The following PYGL variants were observed in gnomAD, a reference collection of about 807,000 sequenced individuals.
PYGL encodes the protein glycogen phosphorylase L.
PYGL carries 90 observed loss-of-function variants against 100.1 expected under a neutral mutation model. The ratio of observed to expected loss-of-function variants is 0.90; its 90% CI spans 0.76 to 1.07. PYGL has a LOEUF of 1.07. PYGL is among the 50% of genes least tolerant of loss of function. The pLI, the probability that PYGL is intolerant of heterozygous loss-of-function variation, is 0.00. For synonymous variants in PYGL, 373 were observed against 393.0 expected (o/e 0.95, Z 0.60); for missense variants, 1,016 against 1,057.6 (o/e 0.96, Z 0.55).
At chr14:50,912,960 TA>T in intron 13 of PYGL, 68 bp downstream of exon 13, 1 of 1,475,546 alleles carries the variant, frequency 6.8e-7, no homozygotes, top group Non-Finnish European at 9.4e-7. Flanking sequence ...TCTCAAAAAA[TA>T]AACAAAAACT....
chr14:50,914,640 A>T, intron 12 of PYGL, 61 bp downstream of exon 12: 1 of 1,368,702 alleles, frequency 7.3e-7, no homozygotes, highest in Non-Finnish European at 1.0e-6. Flanking sequence ...AGTTACAAGT[A>T]TAGTCATATG....
rs1364570392 is a variant in PYGL at position 50,942,345 on chromosome 14, A to G, written c.243+1816T>C. ...AAAACCATAAAGCACTGCATAAGCC[A>G]CTGAAGGAAAAACATACAAGATTCT... On this transcript the variant is annotated intron_variant, in intron 1 of 19. Transcript: ENST00000216392. 1.4e-5 allele frequency among the ~76,000 whole-genome samples: 2 copies of G among 140,192 alleles called. 1 individual carries two copies. The highest frequency in any genetic ancestry group is 3.1e-5 in the Non-Finnish European group (2 of 63,590). 92.0% of individuals were successfully genotyped at this position (140,192 alleles called of 152,430 possible). A position where few individuals can be genotyped will look rare whatever the true frequency, so the allele number is the denominator to read the frequency against.
intron 7 of PYGL, among the ~76,000 whole-genome samples, chr14:50,919,268 T>A (rs2050479891): frequency 6.6e-6 from 1 of 152,246 alleles, no homozygotes; most frequent in African/African-American, 2.4e-5. Context: ...GAACTCTTAC[T>A]TTGACCCTGA....
At chr14:50,920,765 T>C in intron 6 of PYGL, 142 bp from the exon 7 acceptor site, 1 of 1,065,766 alleles carries the variant, frequency 9.4e-7, no homozygotes, top group South Asian at 1.3e-5. Flanking sequence ...CACACCGTCA[T>C]GCTGGACTTC....
Position 50,935,101 on chromosome 14 carries a change from A to T in PYGL, c.424+6T>A, listed in dbSNP as rs146741789. On this transcript the variant is annotated splice_donor_region_variant and intron_variant, in intron 3 of 19. Transcript: ENST00000216392. ...GACAATATAATACACTCACAATGTC[A>T]CTTACCAGCAAGTCTCCCAAGACCA... 7.1e-4 allele frequency: 1,139 copies of T among 1,601,520 alleles called. 4 individuals are homozygous for T. In the African/African-American group the frequency reaches 0.011, roughly 16 times the overall value.
intron 2 of PYGL, among the ~76,000 whole-genome samples, chr14:50,935,465 C>G (rs2050646688): frequency 6.6e-6 from 1 of 152,182 alleles, no homozygotes; most frequent in Admixed American, 6.6e-5. Flanking sequence ...AACTCTATGC[C>G]TCAATTTTCC....
rs764144620 is a variant in PYGL, at chr14:50,935,066, C to T, written c.424+41G>A. On this transcript the variant is annotated intron_variant, in intron 3 of 19. Transcript: ENST00000216392. The stretch of plus-strand genomic sequence containing the variant: ...TCATGCATGGCATCTGAGATGTCTT[C>T]AATCGGCCAGACAATATAATACACT... 5.4e-5 allele frequency: 83 copies of T among 1,549,174 alleles called. 1 individual carries two copies. In the East Asian group the frequency reaches 1.8e-3, roughly 34 times the overall value.
rs786204785 is a variant in PYGL at position 50,944,359 on chromosome 14, G to GCTGATCTGCCGCCGCTTCTC, written c.25_44dup (p.Ser15ArgfsTer21). The GCTGATCTGCCGCCGCTTCTC allele has an allele frequency of 3.1e-6, 5 of 1,613,500 alleles. No homozygotes were observed. Among genetic ancestry groups the GCTGATCTGCCGCCGCTTCTC allele is most frequent in the African/African-American group, 1.3e-5 (1 of 74,932 alleles). On this transcript the variant is annotated frameshift_variant, in exon 1 of 20. Transcript: ENST00000216392. LOFTEE classifies it high-confidence loss of function. ...TCTCCACGCCCACGATGCCGCGGAT[G>GCTGATCTGCCGCCGCTTCTC]CTGATCTGCCGCCGCTTCTCCTGGT... is the stretch of plus-strand genomic sequence containing the variant.
At position 50,944,376 on chromosome 14, in the gene PYGL, TCTC is replaced by T; in HGVS notation, c.25_27del (p.Glu9del). On this transcript the variant is annotated inframe_deletion, in exon 1 of 20. Coordinates refer to ENST00000216392, the MANE Select transcript of PYGL (RefSeq NM_002863.5). ...CCGCGGATGCTGATCTGCCGCCGCT[TCTC>T]CTGGTCCGTCAGGGGCTTCGCCATG... 1 of 1,613,262 alleles carries T rather than the reference TCTC, an allele frequency of 6.2e-7. No homozygotes were observed. The highest frequency in any genetic ancestry group is 8.5e-7 in the Non-Finnish European group (1 of 1,179,732).
chr14:50,935,897 C>T (rs904227601), intron 2 of PYGL, among the ~76,000 whole-genome samples: 9 of 152,202 alleles, frequency 5.9e-5, no homozygotes, highest in Non-Finnish European at 1.2e-4. Context: ...GGGTAAAATC[C>T]TTTACTTTTC....
At chr14:50,910,509 G>A (rs952466442) in intron 16 of PYGL, among the ~76,000 whole-genome samples, 3 of 151,990 alleles carry the variant, frequency 2.0e-5, no homozygotes, top group South Asian at 4.1e-4. Context: ...AGGCTGGAGT[G>A]CAGTGGTGCG....
rs375273829 is a variant in PYGL, at chr14:50,910,094, C to G, written c.1978G>C (p.Ala660Pro). 6.2e-6 allele frequency: 10 copies of G among 1,613,374 alleles called. No homozygotes were observed. The highest frequency in any genetic ancestry group is 1.3e-5 in the African/African-American group (1 of 74,896). ...GAAATCTGCTCTGACAGATCTGTGG[C>G]TGGAATGACTGCAAGAAAGGTAAGT... is the stretch of plus-strand genomic sequence containing the variant. ...RVSLAEKVIPATDLSEQISTA... is the reference protein window; with the variant it reads ...RVSLAEKVIPPTDLSEQISTA... The change falls in exon 17 of 20, where the codon GCC becomes CCC. Residue 660 changes from alanine to proline, a missense_variant. Ala to Pro is a conservative substitution (Grantham distance 27). Coordinates refer to ENST00000216392, the MANE Select transcript of PYGL (RefSeq NM_002863.5).
At chr14:50,914,325 T>TCTC (rs1320521506) in intron 12 of PYGL, among the ~76,000 whole-genome samples, 39 of 152,122 alleles carry the variant, frequency 2.6e-4, no homozygotes, top group African/African-American at 8.2e-4. Context: ...GGTAAAACCC[T>TCTC]GTCTCTACTA....
chr14:50,916,970 G>A lies in PYGL; in HGVS notation c.991C>T (p.Pro331Ser). 6.2e-7 allele frequency: 1 copy of A among 1,614,178 alleles called. No individual in the cohort carries two copies. The highest frequency in any genetic ancestry group is 2.2e-5 in the East Asian group (1 of 44,894). The change falls in exon 8 of 20, where the codon CCG becomes TCG. Residue 331 changes from proline (P) to serine (S), a missense_variant. Physicochemically the swap from Pro to Ser is moderately conservative, Grantham distance 74 (BLOSUM62 -1). Coordinates refer to ENST00000216392, the MANE Select transcript of PYGL (RefSeq NM_002863.5). ...RGAGTVFDAF[P>S]DQVAIQLNDT... ...ACAGACTAAATACTTGCCTGATCCG[G>A]GAAGGCATCAAACACAGTTCCTGCA...
intron 6 of PYGL, 82 bp downstream of exon 6, chr14:50,920,874 T>A: frequency 1.4e-6 from 2 of 1,399,756 alleles, no homozygotes; most frequent in Non-Finnish European, 2.0e-6. Flanking sequence ...TTTTTGTTTG[T>A]TTCAAGCTCA....
chr14:50,940,495 A>G (rs1048645077), intron 1 of PYGL, among the ~76,000 whole-genome samples: 3 of 152,248 alleles, frequency 2.0e-5, no homozygotes, highest in Non-Finnish European at 2.9e-5. Context: ...ATGAGAAAAT[A>G]CTTCCTTGCA....
chr14:50,926,725 CAAAAAAAAAAA>C lies in PYGL; in HGVS notation c.529-2636_529-2626del, dbSNP rs60411526. 8.1e-3 allele frequency among the ~76,000 whole-genome samples: 347 copies of C among 42,842 alleles called. 1 individual carries two copies. The highest frequency in any genetic ancestry group is 0.026 in the African/African-American group (326 of 12,510). 28.1% of individuals were successfully genotyped at this position (42,842 alleles called of 152,430 possible). A position where few individuals can be genotyped will look rare whatever the true frequency, so the allele number is the denominator to read the frequency against. On this transcript the variant is annotated intron_variant, in intron 4 of 19. Transcript: ENST00000216392. ...TGGGAGACAGAGTGAGACTCTGTCT[CAAAAAAAAAAA>C]AAAAAAAAAAAAAAAAAGAAAAAGT...
chr14:50,907,934 T>C (rs954347765), intron 19 of PYGL, among the ~76,000 whole-genome samples: 4 of 149,180 alleles, frequency 2.7e-5, no homozygotes, highest in African/African-American at 9.9e-5. Context: ...TAATCCCAGC[T>C]ACTTGGGAGG....
At chr14:50,923,309 A>T (rs2050517841) in intron 5 of PYGL, 1 of 151,768 alleles carries the variant, frequency 6.6e-6, no homozygotes, top group Non-Finnish European at 1.5e-5. Context: ...TTTTTTTGAG[A>T]CAGAGTCTCA....
Sources: allele counts gnomAD v4.1 joint callset (sites outside exome capture counted in the v4.1 genomes callset), GRCh38; gene constraint gnomAD v4.1.1; transcripts MANE v1.5; gene names NCBI Gene and HGNC (gene_info 2026-07-23, HGNC 2026-07-21).